Variants in SULT2B1 observed in about 807,000 individuals in gnomAD.
SULT2B1 encodes the protein sulfotransferase family 2B member 1.
SULT2B1 carries 16 observed loss-of-function variants against 33.2 expected under a neutral mutation model. The ratio of observed to expected loss-of-function variants is 0.48; its 90% CI spans 0.33 to 0.73. The LOEUF (loss-of-function observed/expected upper bound fraction) is 0.73. SULT2B1 is among the 30% of genes least tolerant of loss of function. The pLI is 0.02. For synonymous variants in SULT2B1, 186 were observed against 200.5 expected (o/e 0.93, Z 0.61); for missense variants, 500 against 506.0 (o/e 0.99, Z 0.11).
intron 1 of SULT2B1, among the ~76,000 whole-genome samples, chr19:48,558,336 T>A (rs1601085419): frequency 2.3e-5 from 2 of 87,732 alleles, no homozygotes; most frequent in Non-Finnish European, 5.4e-5. Context: ...ACAGGAGGCG[T>A]TAGCAGGCGC....
intron 1 of SULT2B1, among the ~76,000 whole-genome samples, chr19:48,569,593 G>T (rs2147606023): frequency 6.6e-6 from 1 of 151,278 alleles, no homozygotes; most frequent in Non-Finnish European, 1.5e-5. Context: ...TGAACTCCTG[G>T]CCTCAAGCAG....
intron 1 of SULT2B1, among the ~76,000 whole-genome samples, chr19:48,559,457 G>A (rs748521182): frequency 3.9e-5 from 6 of 152,090 alleles, no homozygotes; most frequent in African/African-American, 9.7e-5. Context: ...TGCAACCTCC[G>A]CCTCCTGGGT....
chr19:48,555,445 C>G (rs75818014), intron 1 of SULT2B1, among the ~76,000 whole-genome samples: 8 of 151,864 alleles, frequency 5.3e-5, no homozygotes, highest in African/African-American at 1.4e-4. Flanking sequence ...TGCCACAGTG[C>G]CTTTGCTTAT....
intron 2 of SULT2B1, among the ~76,000 whole-genome samples, chr19:48,577,149 C>A (rs113897070): frequency 0.062 from 9,238 of 150,164 alleles, 284 homozygotes; most frequent in Middle Eastern, 0.14. Context: ...TTCTCTGCCT[C>A]AGCCTCCTGA....
At chr19:48,578,737 C>T (rs4802492) in intron 2 of SULT2B1, among the ~76,000 whole-genome samples, 1 of 151,702 alleles carries the variant, frequency 6.6e-6, no homozygotes, top group Non-Finnish European at 1.5e-5. Flanking sequence ...ACTATCCAGG[C>T]GTGGTGGTGC....
Position 48,599,099 on chromosome 19 carries a change from G to A in SULT2B1, c.827-36G>A. 6.5e-7 allele frequency: 1 copy of A among 1,546,444 alleles called. No homozygotes were observed. The highest frequency in any genetic ancestry group is 8.7e-7 in the Non-Finnish European group (1 of 1,150,506). On this transcript the variant is annotated intron_variant, in intron 6 of 6. Coordinates refer to ENST00000201586, the MANE Select transcript of SULT2B1 (RefSeq NM_177973.2). This position sits in a 1 kb window ranked among gnomAD's most constrained non-coding sequence, Gnocchi z 4.1. ...GGAGGTAGGGGCGCAGTGCTCCCCAGAGGCTCCTCACCCCCTGGTGCCCCC... is the reference window on the plus strand; with the variant it reads ...GGAGGTAGGGGCGCAGTGCTCCCCAAAGGCTCCTCACCCCCTGGTGCCCCC...
chr19:48,580,494 A>G (rs1295259557), intron 2 of SULT2B1, among the ~76,000 whole-genome samples: 2 of 152,048 alleles, frequency 1.3e-5, no homozygotes, highest in Non-Finnish European at 2.9e-5. Context: ...TCCTCACCTC[A>G]GTCAATCTAC....
chr19:48,596,836 C>A lies in SULT2B1; in HGVS notation c.743C>A (p.Ala248Asp). ...GTCGTGGCACACTCAACCTTCAGCG[C>A]CATGAAGGCCAACACCATGTCCAAC... ...GSVVAHSTFS[A>D]MKANTMSNYT... is the part of the protein sequence containing the mutation. The change falls in exon 6 of 7, where the codon GCC becomes GAC. Residue 248 changes from alanine (A) to aspartate (D), a missense_variant. Transcript: ENST00000201586. The A allele has an allele frequency of 6.2e-7, 1 of 1,609,794 alleles. No homozygotes were observed. The highest frequency in any genetic ancestry group is 1.1e-5 in the South Asian group (1 of 90,936).
chr19:48,561,152 C>T lies in SULT2B1; in HGVS notation c.71+8829C>T, dbSNP rs114504712. Among the ~76,000 whole-genome samples the T allele has an allele frequency of 1.6e-3, 224 of 143,828 alleles. 2 individuals carry two copies. The highest frequency in any genetic ancestry group is 5.3e-3 in the African/African-American group (204 of 38,636). The allele number at this position is 143,828 out of a possible 152,430, so 94.4% of individuals were successfully genotyped here. ...TGTCTCAAAAAAATAAATTCGGGCC[C>T]GGTGTGGTGGCTCATGCCTGTAATC... is the stretch of plus-strand genomic sequence containing the variant. On this transcript the variant is annotated intron_variant, in intron 1 of 6. Transcript: ENST00000201586.
At chr19:48,598,284 C>A (rs1973748132) in intron 6 of SULT2B1, among the ~76,000 whole-genome samples, 1 of 152,084 alleles carries the variant, frequency 6.6e-6, no homozygotes, top group East Asian at 1.9e-4. Flanking sequence ...CCTGTGATAG[C>A]CCCACAATGA....
At chr19:48,572,562 AAGG>A (rs1973345597) in intron 1 of SULT2B1, among the ~76,000 whole-genome samples, 1 of 151,938 alleles carries the variant, frequency 6.6e-6, no homozygotes, top group African/African-American at 2.4e-5. Context: ...GTCGAGGTGG[AAGG>A]AGGAGATGGG....
intron 2 of SULT2B1, among the ~76,000 whole-genome samples, chr19:48,583,587 G>A (rs897911793): frequency 1.1e-4 from 17 of 152,244 alleles, no homozygotes; most frequent in African/African-American, 3.4e-4. Flanking sequence ...GGAGGCCGAG[G>A]CGGGCGGATC....
At chr19:48,565,853 G>T (rs143043753) in intron 1 of SULT2B1, among the ~76,000 whole-genome samples, 57 of 151,776 alleles carry the variant, frequency 3.8e-4, no homozygotes, top group Non-Finnish European at 6.3e-4. Flanking sequence ...CCCAGCTCAG[G>T]CAATCCTTCC....
At chr19:48,553,808 C>T (rs1973057935) in intron 1 of SULT2B1, among the ~76,000 whole-genome samples, 1 of 152,200 alleles carries the variant, frequency 6.6e-6, no homozygotes, top group Non-Finnish European at 1.5e-5. Flanking sequence ...TGGCCCAGTT[C>T]TGCGTGAGGG....
At chr19:48,559,007 G>C (rs114177617) in intron 1 of SULT2B1, among the ~76,000 whole-genome samples, 2,284 of 151,680 alleles carry the variant, frequency 0.015, 54 homozygotes, top group African/African-American at 0.053. Flanking sequence ...TTTCTGAGAC[G>C]GGCTGATCAA....
At chr19:48,586,744 G>T (rs1182177699) in intron 2 of SULT2B1, among the ~76,000 whole-genome samples, 3 of 152,234 alleles carry the variant, frequency 2.0e-5, no homozygotes, top group Non-Finnish European at 4.4e-5. Flanking sequence ...CTCCGAAAAT[G>T]AGGTTAAGCA....
intron 6 of SULT2B1, among the ~76,000 whole-genome samples, chr19:48,597,801 G>A (rs940380141): frequency 1.3e-5 from 2 of 151,056 alleles, no homozygotes; most frequent in African/African-American, 2.4e-5. Flanking sequence ...CCACCACCAC[G>A]CCTGGCTAAT....
In SULT2B1 at chr19:48,596,800, C is replaced by T; in HGVS notation, c.707C>T (p.Ala236Val). ...GFLGRPLGKE[A>V]LGSVVAHSTF... Reference sequence around the variant, plus strand: ...CTGGGCCGTCCGCTGGGCAAGGAGGCACTGGGCTCCGTCGTGGCACACTCA... The same window carrying T: ...CTGGGCCGTCCGCTGGGCAAGGAGGTACTGGGCTCCGTCGTGGCACACTCA... Residue 236 changes from alanine to valine, a missense_variant, in exon 6 of 7, where the codon GCA becomes GTA. Physicochemically the swap from Ala to Val is moderately conservative, Grantham distance 64 (BLOSUM62 0). Coordinates refer to ENST00000201586, the MANE Select transcript of SULT2B1 (RefSeq NM_177973.2). The T allele has an allele frequency of 1.2e-6, 2 of 1,609,776 alleles. No individual in the cohort carries two copies. The highest frequency in any genetic ancestry group is 3.3e-5 in the Admixed American group (2 of 59,988).
intron 1 of SULT2B1, among the ~76,000 whole-genome samples, chr19:48,555,381 C>T (rs1041879949): frequency 5.3e-5 from 8 of 152,160 alleles, no homozygotes; most frequent in Non-Finnish European, 1.0e-4. Context: ...CGTGAGCCAC[C>T]GTGCCCGGCC....
Sources: allele counts gnomAD v4.1 joint callset (sites outside exome capture counted in the v4.1 genomes callset), GRCh38; gene constraint gnomAD v4.1.1; non-coding constraint Gnocchi (gnomAD v3.1); transcripts MANE v1.5; gene names NCBI Gene and HGNC (gene_info 2026-07-23, HGNC 2026-07-21).